Variants in SACM1L observed in about 807,000 individuals in gnomAD.
SACM1L encodes the protein SAC1 like phosphatidylinositide phosphatase, also known as phosphatidylinositol-3-phosphatase SAC1.
A neutral mutation model predicts 89.5 loss-of-function variants in SACM1L; 32 were observed. The ratio of observed to expected loss-of-function variants is 0.36; its 90% CI spans 0.27 to 0.48. The LOEUF (loss-of-function observed/expected upper bound fraction) is 0.48. SACM1L is among the 20% of genes least tolerant of loss of function. SACM1L has a pLI of 0.99. For missense variants in SACM1L, 543 were observed against 708.5 expected, an observed-to-expected ratio of 0.77 and a Z score of 2.65; for synonymous variants, 213 against 232.8, an observed-to-expected ratio of 0.92 and a Z score of 0.77.
chr3:45,703,994 C>T (rs1698331170), intron 2 of SACM1L, among the ~76,000 whole-genome samples: 1 of 152,178 alleles, frequency 6.6e-6, no homozygotes, highest in Admixed American at 6.5e-5. Context: ...ACTTCACTGA[C>T]TAAAACTTGT....
intron 11 of SACM1L, among the ~76,000 whole-genome samples, chr3:45,727,489 G>A (rs2673068): frequency 0.6 from 91,794 of 152,032 alleles, 28,247 homozygotes; most frequent in Non-Finnish European, 0.66. Context: ...TTCTGCTGCT[G>A]TTGGGTACAG....
intron 11 of SACM1L, among the ~76,000 whole-genome samples, chr3:45,725,443 T>C (rs1698895641): frequency 6.6e-6 from 1 of 151,976 alleles, no homozygotes; most frequent in Non-Finnish European, 1.5e-5. Flanking sequence ...ATGGTGTTTT[T>C]TTGTTTGTTT....
chr3:45,737,063 CA>C (rs1233178637), intron 14 of SACM1L, among the ~76,000 whole-genome samples: 1 of 152,106 alleles, frequency 6.6e-6, no homozygotes, highest in Non-Finnish European at 1.5e-5. Context: ...AGAGGGGATT[CA>C]GGGGGCCCAG....
rs1054514434 is a variant in SACM1L at position 45,737,473 on chromosome 3, C to T, written c.1240-110C>T. ...ATAGACAACAGACATTTCTGGCCTG[C>T]ATCCAGCAACCAGGCACCATGAGAT... On this transcript the variant is annotated intron_variant, in intron 14 of 19. Coordinates refer to ENST00000389061, the MANE Select transcript of SACM1L (RefSeq NM_014016.5). 5 of 1,062,618 alleles carry T rather than the reference C, an allele frequency of 4.7e-6. No individual in the cohort carries two copies. In the African/African-American group the frequency reaches 8.0e-5, roughly 17 times the overall value. 65.8% of individuals were successfully genotyped at this position (1,062,618 alleles called of 1,614,324 possible).
chr3:45,690,247 C>G (rs1325842085), intron 1 of SACM1L: 1 of 152,186 alleles, frequency 6.6e-6, no homozygotes, highest in Non-Finnish European at 1.5e-5. Context: ...TTAAAAACAA[C>G]ATGTGTTTAT....
chr3:45,737,210 A>G, intron 14 of SACM1L: 1 of 209,734 alleles, frequency 4.8e-6, no homozygotes, highest in Non-Finnish European at 9.3e-6. Flanking sequence ...TTGAGGGATG[A>G]TGCATGTGAG....
At chr3:45,697,203 T>C (rs1698149121) in intron 1 of SACM1L, among the ~76,000 whole-genome samples, 1 of 151,848 alleles carries the variant, frequency 6.6e-6, no homozygotes, top group Non-Finnish European at 1.5e-5. Flanking sequence ...GATCTCGCTG[T>C]GTTGACCAGG....
At chr3:45,705,253 A>G (rs1698362313) in intron 3 of SACM1L, 44 bp downstream of exon 3, 1 of 1,218,768 alleles carries the variant, frequency 8.2e-7, no homozygotes, top group Non-Finnish European at 1.2e-6. Context: ...GTAATTAGCA[A>G]GGTAGTTAAA....
intron 10 of SACM1L, 71 bp downstream of exon 10, chr3:45,723,026 G>C: frequency 8.1e-7 from 1 of 1,227,268 alleles, no homozygotes; most frequent in Non-Finnish European, 1.2e-6. Context: ...TGCATGTAAA[G>C]AATGTATTTA....
intron 1 of SACM1L, chr3:45,690,320 CACTT>C (rs1319178660): frequency 6.6e-6 from 1 of 152,220 alleles, no homozygotes; most frequent in African/African-American, 2.4e-5. Context: ...TTGTTGTACT[CACTT>C]CGTGTTTAAT....
intron 7 of SACM1L, among the ~76,000 whole-genome samples, chr3:45,714,455 G>A (rs1698601919): frequency 6.6e-6 from 1 of 152,158 alleles, no homozygotes; most frequent in Admixed American, 6.5e-5. Flanking sequence ...CTTAGGCCGG[G>A]CATGGTGGCT....
chr3:45,706,327 A>G (rs548069458), intron 3 of SACM1L, among the ~76,000 whole-genome samples: 3 of 152,276 alleles, frequency 2.0e-5, no homozygotes, highest in Non-Finnish European at 2.9e-5. Context: ...GCCCCAGCAC[A>G]TTTCTCTACC....
At chr3:45,700,723 G>A (rs1297498736) in intron 1 of SACM1L, among the ~76,000 whole-genome samples, 3 of 152,118 alleles carry the variant, frequency 2.0e-5, no homozygotes, top group Non-Finnish European at 2.9e-5. Flanking sequence ...GTGCAGTGGT[G>A]TGCACTCACT....
chr3:45,715,508 G>T (rs1410889574), intron 7 of SACM1L, among the ~76,000 whole-genome samples: 1 of 152,178 alleles, frequency 6.6e-6, no homozygotes, highest in African/African-American at 2.4e-5. Flanking sequence ...GGGTGCAGTG[G>T]CTCATGCCTG....
chr3:45,711,758 G>A (rs1698537293), intron 5 of SACM1L, among the ~76,000 whole-genome samples: 1 of 152,058 alleles, frequency 6.6e-6, no homozygotes, highest in South Asian at 2.1e-4. Flanking sequence ...TTTGTTTTTG[G>A]TTCCTTGATT....
At chr3:45,692,293 A>T (rs1390698718) in intron 1 of SACM1L, among the ~76,000 whole-genome samples, 1 of 150,920 alleles carries the variant, frequency 6.6e-6, no homozygotes, top group Non-Finnish European at 1.5e-5. Context: ...ACTTCACAGG[A>T]TTATTGTAAG....
At chr3:45,714,012 G>A (rs1055207530) in intron 6 of SACM1L, 34 bp from the exon 7 acceptor site, 67 of 1,156,622 alleles carry the variant, frequency 5.8e-5, no homozygotes, top group Non-Finnish European at 8.0e-5. Flanking sequence ...TATTTTTAAA[G>A]TATATTTATT....
intron 4 of SACM1L, among the ~76,000 whole-genome samples, chr3:45,707,996 TTACTA>T (rs1375563032): frequency 2.0e-5 from 3 of 152,158 alleles, no homozygotes; most frequent in Non-Finnish European, 2.9e-5. Context: ...TGCTTATAAT[TTACTA>T]TATATAACTT....
chr3:45,700,836 T>G (rs1397502556), intron 1 of SACM1L, among the ~76,000 whole-genome samples: 1 of 152,174 alleles, frequency 6.6e-6, no homozygotes, highest in Non-Finnish European at 1.5e-5. Flanking sequence ...CATGGCCAGC[T>G]AATGTTTGTA....
Sources: gnomAD v4.1 joint callset for allele counts (sites outside exome capture counted in the v4.1 genomes callset) on GRCh38, gnomAD v4.1.1 for gene constraint, MANE v1.5 for transcripts, NCBI Gene and HGNC (gene_info 2026-07-23, HGNC 2026-07-21) for gene names.